The following LSAMP variants were observed in gnomAD, a reference collection of about 807,000 sequenced individuals.
LSAMP encodes limbic system-associated membrane protein.
In LSAMP, 7 loss-of-function variants were observed where a neutral mutation model predicts 38.6. That is an observed-to-expected ratio of 0.18 (90% confidence interval 0.10 to 0.34). The LOEUF (loss-of-function observed/expected upper bound fraction) is 0.34. LSAMP is among the 10% of genes least tolerant of loss of function. LSAMP has a pLI of 1.00. For missense variants in LSAMP, 313 were observed against 420.0 expected, an observed-to-expected ratio of 0.75 and a Z score of 2.23; for synonymous variants, 154 against 166.8, an observed-to-expected ratio of 0.92 and a Z score of 0.59.
At chr3:116,328,961 T>A (rs1481460810) in intron 1 of LSAMP, among the ~76,000 whole-genome samples, 2 of 152,124 alleles carry the variant, frequency 1.3e-5, no homozygotes, top group Admixed American at 6.5e-5. Flanking sequence ...ACAGATCTTT[T>A]TGGTATAGAA....
chr3:116,387,269 G>A (rs1449163299), intron 1 of LSAMP, among the ~76,000 whole-genome samples: 1 of 152,042 alleles, frequency 6.6e-6, no homozygotes. Flanking sequence ...GAGGCTCCAG[G>A]AATAAAGGTA....
chr3:116,439,315 TGTTG>T (rs1189233934), intron 1 of LSAMP, among the ~76,000 whole-genome samples: 13 of 114,032 alleles, frequency 1.1e-4, no homozygotes, highest in East Asian at 2.9e-4. Context: ...CCTGAGATTT[TGTTG>T]TTTTTTTTTT....
intron 1 of LSAMP, among the ~76,000 whole-genome samples, chr3:116,370,267 A>G (rs1197182238): frequency 6.6e-6 from 1 of 152,208 alleles, no homozygotes; most frequent in African/African-American, 2.4e-5. Flanking sequence ...GTCTATAAAT[A>G]TGTAATTAAG....
intron 3 of LSAMP, among the ~76,000 whole-genome samples, chr3:115,951,550 C>T (rs1576249679): frequency 6.6e-6 from 1 of 152,116 alleles, no homozygotes; most frequent in Non-Finnish European, 1.5e-5. Flanking sequence ...AGGAAATTAA[C>T]ATTTGAGTCA....
chr3:116,072,792 ACT>A (rs577351985), intron 2 of LSAMP, among the ~76,000 whole-genome samples: 1 of 131,944 alleles, frequency 7.6e-6, no homozygotes, highest in African/African-American at 2.9e-5. Flanking sequence ...TTCCTTGTAG[ACT>A]CTGAATATTA....
chr3:115,942,641 C>G (rs1448149469), intron 3 of LSAMP, among the ~76,000 whole-genome samples: 1 of 152,108 alleles, frequency 6.6e-6, no homozygotes, highest in African/African-American at 2.4e-5. Context: ...TTAGTATGTA[C>G]TAGATATCTC....
chr3:116,124,521 A>G (rs1030581911), intron 1 of LSAMP, among the ~76,000 whole-genome samples: 4 of 152,220 alleles, frequency 2.6e-5, no homozygotes, highest in Non-Finnish European at 5.9e-5. Context: ...AAGCATTTTA[A>G]ATTCATTAAA....
At chr3:116,106,042 C>G (rs1708459362) in intron 1 of LSAMP, among the ~76,000 whole-genome samples, 1 of 151,790 alleles carries the variant, frequency 6.6e-6, no homozygotes. Context: ...TTGGTGATGG[C>G]CTGGATACGG....
chr3:115,977,596 C>T (rs1410137580), intron 3 of LSAMP, among the ~76,000 whole-genome samples: 1 of 152,170 alleles, frequency 6.6e-6, no homozygotes, highest in Non-Finnish European at 1.5e-5. Flanking sequence ...TGGTATTGTA[C>T]TGATTCTTGC....
chr3:116,321,384 A>G (rs2047703726), intron 1 of LSAMP, among the ~76,000 whole-genome samples: 1 of 152,120 alleles, frequency 6.6e-6, no homozygotes, highest in Admixed American at 6.5e-5. Context: ...AAAAAACAAA[A>G]ACAAAAACAA....
chr3:116,169,694 C>T (rs1053428402), intron 1 of LSAMP, among the ~76,000 whole-genome samples: 15 of 152,134 alleles, frequency 9.9e-5, no homozygotes, highest in African/African-American at 3.1e-4. Context: ...AAAGCCACAC[C>T]CTCCAAAGAC....
chr3:116,257,553 C>T (rs1392222623), intron 1 of LSAMP, among the ~76,000 whole-genome samples: 1 of 151,560 alleles, frequency 6.6e-6, no homozygotes, highest in African/African-American at 2.4e-5. Flanking sequence ...ATTGCACTTT[C>T]TGACATAAAA....
chr3:115,967,891 G>C (rs549786213), intron 3 of LSAMP, among the ~76,000 whole-genome samples: 2 of 152,270 alleles, frequency 1.3e-5, no homozygotes, highest in South Asian at 4.1e-4. Flanking sequence ...GGAGCTACAA[G>C]ATGAGATTTG....
chr3:116,326,157 C>A (rs768818377), intron 1 of LSAMP, among the ~76,000 whole-genome samples: 2 of 152,028 alleles, frequency 1.3e-5, no homozygotes, highest in African/African-American at 4.8e-5. Context: ...TTAATTCAAT[C>A]ATTAAGATGA....
chr3:115,851,175 T>C (rs1040326351), intron 4 of LSAMP, among the ~76,000 whole-genome samples: 4 of 152,270 alleles, frequency 2.6e-5, no homozygotes, highest in Admixed American at 6.5e-5. Context: ...GGTATCATCA[T>C]GTTGGCCAGG....
At chr3:116,046,019 G>A (rs1441999572) in intron 2 of LSAMP, among the ~76,000 whole-genome samples, 1 of 152,196 alleles carries the variant, frequency 6.6e-6, no homozygotes, top group Non-Finnish European at 1.5e-5. Flanking sequence ...TTTGGCCTTT[G>A]TGTTAGGAGA....
At chr3:116,127,763 C>T (rs1246527143) in intron 1 of LSAMP, among the ~76,000 whole-genome samples, 4 of 118,488 alleles carry the variant, frequency 3.4e-5, no homozygotes, top group Non-Finnish European at 6.7e-5. Context: ...ACAAAAAATG[C>T]TTTGACTTTC....
At chr3:116,005,885 G>T (rs961511604) in intron 3 of LSAMP, among the ~76,000 whole-genome samples, 9 of 152,114 alleles carry the variant, frequency 5.9e-5, no homozygotes, top group African/African-American at 2.2e-4. Context: ...CTAGCAATAG[G>T]GTGGCAGTAC....
intron 1 of LSAMP, among the ~76,000 whole-genome samples, chr3:116,220,964 C>T (rs1165068508): frequency 6.6e-6 from 1 of 151,948 alleles, no homozygotes; most frequent in Non-Finnish European, 1.5e-5. Context: ...ACCATCCTGG[C>T]TAACACGGTG....
Sources: allele counts gnomAD v4.1 joint callset (sites outside exome capture counted in the v4.1 genomes callset), GRCh38; gene constraint gnomAD v4.1.1; transcripts MANE v1.5; gene names NCBI Gene and HGNC (gene_info 2026-07-23, HGNC 2026-07-21).